CAMK2D: variants seen among roughly 807,000 people sequenced by gnomAD.
CAMK2D encodes the protein calcium/calmodulin-dependent protein kinase type II subunit delta.
Under a neutral mutation model 84.0 loss-of-function variants are expected in CAMK2D, and 37 were observed. The ratio of observed to expected loss-of-function variants is 0.44; its 90% CI spans 0.34 to 0.58. The LOEUF (loss-of-function observed/expected upper bound fraction) is 0.58. CAMK2D is among the 20% of genes least tolerant of loss of function. CAMK2D has a pLI of 0.02. For synonymous variants in CAMK2D, 202 were observed against 212.5 expected, an observed-to-expected ratio of 0.95 and a Z score of 0.43; for missense variants, 448 against 652.5, an observed-to-expected ratio of 0.69 and a Z score of 3.41.
At chr4:113,664,432 C>A (rs1404622891) in intron 2 of CAMK2D, among the ~76,000 whole-genome samples, 1 of 152,172 alleles carries the variant, frequency 6.6e-6, no homozygotes, top group East Asian at 1.9e-4. Flanking sequence ...GCTGGGGTCT[C>A]ATCTGAAATC....
At chr4:113,573,934 T>G (rs1319527470) in intron 4 of CAMK2D, among the ~76,000 whole-genome samples, 1 of 152,186 alleles carries the variant, frequency 6.6e-6, no homozygotes, top group African/African-American at 2.4e-5. Flanking sequence ...AATATCCCTG[T>G]CTACCCTCAT....
At chr4:113,484,894 T>C (rs1420964246) in intron 16 of CAMK2D, among the ~76,000 whole-genome samples, 1 of 152,200 alleles carries the variant, frequency 6.6e-6, no homozygotes, top group East Asian at 1.9e-4. Context: ...GAAGTCTTCA[T>C]GTTTGATAGA....
At chr4:113,583,282 A>C (rs900819631) in intron 4 of CAMK2D, among the ~76,000 whole-genome samples, 1 of 152,216 alleles carries the variant, frequency 6.6e-6, no homozygotes, top group African/African-American at 2.4e-5. Context: ...TAAAAGCCTC[A>C]TTTATGAGCA....
chr4:113,607,175 T>A (rs945234769), intron 4 of CAMK2D, among the ~76,000 whole-genome samples: 2 of 151,174 alleles, frequency 1.3e-5, no homozygotes, highest in African/African-American at 2.4e-5. Flanking sequence ...ACTCAAACAT[T>A]GGAAAGGAAG....
intron 16 of CAMK2D, among the ~76,000 whole-genome samples, chr4:113,470,255 T>G (rs189851428): frequency 1.1e-4 from 17 of 152,230 alleles, no homozygotes; most frequent in Admixed American, 1.0e-3. Flanking sequence ...TACCAGCCCT[T>G]TATATGTACT....
intron 16 of CAMK2D, 105 bp from the exon 17 acceptor site, chr4:113,465,709 T>C: frequency 1.4e-6 from 1 of 712,642 alleles, no homozygotes. Flanking sequence ...CTGTCACCCA[T>C]GCTGGAGTAC....
chr4:113,558,633 G>A (rs990540106), intron 4 of CAMK2D, among the ~76,000 whole-genome samples: 2 of 152,144 alleles, frequency 1.3e-5, no homozygotes, highest in African/African-American at 4.8e-5. Flanking sequence ...TGGATAGTGA[G>A]GAACAACTGT....
At chr4:113,672,848 T>C (rs543882941) in intron 2 of CAMK2D, among the ~76,000 whole-genome samples, 1 of 152,226 alleles carries the variant, frequency 6.6e-6, no homozygotes, top group Non-Finnish European at 1.5e-5. Context: ...AGTCAAGATG[T>C]TTAAAATGAA....
At chr4:113,502,881 T>G (rs1033154009) in intron 15 of CAMK2D, 55 bp downstream of exon 15, 6 of 1,175,274 alleles carry the variant, frequency 5.1e-6, no homozygotes, top group African/African-American at 4.5e-5. Context: ...TTTTGAATAT[T>G]TGATGAGATG....
At chr4:113,584,428 AACAC>A (rs948014284) in intron 4 of CAMK2D, among the ~76,000 whole-genome samples, 43 of 152,312 alleles carry the variant, frequency 2.8e-4, no homozygotes, top group African/African-American at 9.6e-4. Flanking sequence ...GAGGAGAGAA[AACAC>A]AGGACAGCCA....
intron 2 of CAMK2D, among the ~76,000 whole-genome samples, chr4:113,746,808 A>T (rs1422956257): frequency 6.6e-6 from 1 of 151,878 alleles, no homozygotes; most frequent in Non-Finnish European, 1.5e-5. Context: ...AAGGAACAGG[A>T]GTGACTCTGA....
At chr4:113,760,623 CTA>C (rs2099639087) in intron 1 of CAMK2D, among the ~76,000 whole-genome samples, 1 of 152,178 alleles carries the variant, frequency 6.6e-6, no homozygotes, top group South Asian at 2.1e-4. Context: ...AAAACATGAT[CTA>C]TGTTGCATTT....
chr4:113,735,289 GAAAAAAAAAAAAAAAAA>G (rs769117708), intron 2 of CAMK2D, among the ~76,000 whole-genome samples: 24 of 44,722 alleles, frequency 5.4e-4, no homozygotes, highest in Admixed American at 3.7e-3. Context: ...ATCTCTACAG[GAAAAAAAAAAAAAAAAA>G]AAAAAAAAAA....
At chr4:113,721,006 C>G (rs1385974561) in intron 2 of CAMK2D, among the ~76,000 whole-genome samples, 1 of 152,068 alleles carries the variant, frequency 6.6e-6, no homozygotes, top group Non-Finnish European at 1.5e-5. Flanking sequence ...GATAAACAGG[C>G]TGAAATACAC....
chr4:113,501,022 T>C (rs1352224558), intron 15 of CAMK2D, among the ~76,000 whole-genome samples: 1 of 152,110 alleles, frequency 6.6e-6, no homozygotes, highest in Non-Finnish European at 1.5e-5. Context: ...CATCATTTAA[T>C]GAAGAAGCTA....
chr4:113,740,566 T>G (rs1286118598), intron 2 of CAMK2D, among the ~76,000 whole-genome samples: 1 of 152,042 alleles, frequency 6.6e-6, no homozygotes, highest in East Asian at 1.9e-4. Flanking sequence ...GGACTCTTGA[T>G]TTCCCATTCC....
At position 113,516,339 on chromosome 4, in the gene CAMK2D, G is replaced by A. The variant is rs931501656; in HGVS notation, c.697-1148C>T. On this transcript the variant is annotated intron_variant, in intron 9 of 20. Transcript: ENST00000511664. ...CGAGGCTGTTTCTTAATGTTGTACA[G>A]GTCTTCTGATAGCAAATGAGCGGTA... Among the ~76,000 whole-genome samples, 22 of 152,148 alleles carry A rather than the reference G, an allele frequency of 1.4e-4. 1 individual carries two copies. Among genetic ancestry groups the A allele is most frequent in the African/African-American group, 2.4e-5 (1 of 41,444 alleles).
At chr4:113,475,190 G>C (rs759331749) in intron 16 of CAMK2D, among the ~76,000 whole-genome samples, 1 of 152,004 alleles carries the variant, frequency 6.6e-6, no homozygotes, top group Non-Finnish European at 1.5e-5. Context: ...TTTATTCCTG[G>C]GTAAATTCAT....
rs116658852 is a variant in CAMK2D at position 113,646,856 on chromosome 4, G to C, written c.220+14857C>G. ...GACTTGCAGTAGCCAGAGTAATCCT[G>C]TTAAAATTAAATCGGATATTGTCAC... On this transcript the variant is annotated intron_variant, in intron 3 of 20. Transcript: ENST00000511664. Among the ~76,000 whole-genome samples the C allele has an allele frequency of 9.3e-3, 1,414 of 152,280 alleles. 31 individuals carry two copies. Among genetic ancestry groups the C allele is most frequent in the African/African-American group, 0.032 (1,344 of 41,556 alleles).
Sources: allele counts gnomAD v4.1 joint callset (sites outside exome capture counted in the v4.1 genomes callset), GRCh38; gene constraint gnomAD v4.1.1; transcripts MANE v1.5; gene names NCBI Gene and HGNC (gene_info 2026-07-23, HGNC 2026-07-21).